The following GLIS3 variants were observed in gnomAD, a reference collection of about 807,000 sequenced individuals.
GLIS3 encodes GLIS family zinc finger 3.
A neutral mutation model predicts 78.6 loss-of-function variants in GLIS3; 53 were observed. The observed-to-expected ratio is 0.67, with a 90% CI of 0.54 to 0.85. The LOEUF is 0.85. Ranked by LOEUF, GLIS3 falls within the 40% of genes least tolerant of loss-of-function variation. The pLI, the probability that GLIS3 is intolerant of heterozygous loss-of-function variation, is 0.00. For synonymous variants in GLIS3, 684 were observed against 509.9 expected (o/e 1.34, Z -4.60); for missense variants, 1,703 against 1,231.1 (o/e 1.38, Z -5.74).
Position 4,291,456 on chromosome 9 carries a change from T to C in GLIS3, c.-98-4933A>G, listed in dbSNP as rs575360598. Among the ~76,000 whole-genome samples, 6 of 152,284 alleles carry C rather than the reference T, an allele frequency of 3.9e-5. No individual in the cohort carries two copies. In the East Asian group the frequency reaches 1.2e-3, roughly 29 times the overall value. Reference sequence around the variant, plus strand: ...TGTTTTAACTTTTCATTTTTATATTTTATAAAATTTTCTCAAAAATTAAAA... The same window carrying C: ...TGTTTTAACTTTTCATTTTTATATTCTATAAAATTTTCTCAAAAATTAAAA... On this transcript the variant is annotated intron_variant, in intron 1 of 10. Transcript: ENST00000381971.
intron 2 of GLIS3, among the ~76,000 whole-genome samples, chr9:4,235,894 G>T (rs72691856): frequency 0.048 from 7,378 of 152,186 alleles, 226 homozygotes; most frequent in Non-Finnish European, 0.076. Flanking sequence ...CCGGCATACT[G>T]ATGAACTTCT....
the GLIS3 span, among the ~76,000 whole-genome samples, chr9:4,418,393 A>G: frequency 6.6e-6 from 1 of 152,260 alleles, no homozygotes; most frequent in African/African-American, 2.4e-5. Flanking sequence ...TTCGGATGTT[A>G]CAGGATTTGC....
At chr9:4,277,607 G>A (rs1267697825) in intron 2 of GLIS3, among the ~76,000 whole-genome samples, 2 of 152,076 alleles carry the variant, frequency 1.3e-5, no homozygotes, top group Admixed American at 6.6e-5. Flanking sequence ...ACCCACAAAC[G>A]CTAATGAATA....
chr9:4,281,666 G>C (rs1256116755), intron 2 of GLIS3, among the ~76,000 whole-genome samples: 1 of 152,232 alleles, frequency 6.6e-6, no homozygotes, highest in East Asian at 1.9e-4. Context: ...TACCACATTG[G>C]GTTGTTTCTT....
At chr9:4,057,386 C>T (rs1030452887) in intron 4 of GLIS3, among the ~76,000 whole-genome samples, 1 of 152,026 alleles carries the variant, frequency 6.6e-6, no homozygotes, top group African/African-American at 2.4e-5. Context: ...GTGGATCCAT[C>T]CCTAATAAAG....
chr9:4,043,222 C>T (rs1824971373), intron 4 of GLIS3, among the ~76,000 whole-genome samples: 1 of 152,094 alleles, frequency 6.6e-6, no homozygotes, highest in Non-Finnish European at 1.5e-5. Flanking sequence ...TTCAGTGAGA[C>T]TTTACGTCTT....
At chr9:4,190,879 C>T (rs1028311466) in intron 2 of GLIS3, among the ~76,000 whole-genome samples, 2 of 152,136 alleles carry the variant, frequency 1.3e-5, no homozygotes, top group Non-Finnish European at 2.9e-5. Flanking sequence ...GGCCAATATG[C>T]AACATTCTTA....
the GLIS3 span, among the ~76,000 whole-genome samples, chr9:4,426,883 G>C: frequency 6.6e-6 from 1 of 152,194 alleles, no homozygotes; most frequent in Non-Finnish European, 1.5e-5. Context: ...CTGGCACACT[G>C]AAAGCATCTG....
At chr9:4,336,681 C>A (rs913055528) in intron 2 of GLIS3, among the ~76,000 whole-genome samples, 3 of 150,300 alleles carry the variant, frequency 2.0e-5, no homozygotes, top group African/African-American at 7.6e-5. Context: ...CCAAACCTTG[C>A]CATTCCTCAA....
intron 2 of GLIS3, among the ~76,000 whole-genome samples, chr9:4,189,823 CT>C (rs60376826): frequency 7.3e-5 from 11 of 150,784 alleles, no homozygotes; most frequent in East Asian, 1.9e-4. Context: ...CAACCCCTGC[CT>C]TTTTTTTTGT....
intron 4 of GLIS3, among the ~76,000 whole-genome samples, chr9:3,960,253 G>A (rs1483728710): frequency 6.6e-6 from 1 of 151,880 alleles, no homozygotes; most frequent in Non-Finnish European, 1.5e-5. Flanking sequence ...AAAGAGAGAA[G>A]AGCCTGGGGA....
chr9:4,413,267 A>G, the GLIS3 span, among the ~76,000 whole-genome samples: 1 of 152,218 alleles, frequency 6.6e-6, no homozygotes, highest in Non-Finnish European at 1.5e-5. Flanking sequence ...ATGAGATTGT[A>G]TATGGCCATA....
At chr9:4,390,614 A>AT in the GLIS3 span, among the ~76,000 whole-genome samples, 1 of 152,116 alleles carries the variant, frequency 6.6e-6, no homozygotes, top group Non-Finnish European at 1.5e-5. Flanking sequence ...CCTCATACAG[A>AT]TATCTGTGGT....
In GLIS3 at chr9:3,839,583, CAA is replaced by C. The variant is rs113301703; in HGVS notation, c.2474-10093_2474-10092del. On this transcript the variant is annotated intron_variant, in intron 9 of 10. Coordinates refer to ENST00000381971, the MANE Select transcript of GLIS3 (RefSeq NM_001042413.2). ...AGTAATATTGTCCCAAGTTTACAGC[CAA>C]AAAAAAAAAGGGGGGAGAAGTTAAA... is the stretch of plus-strand genomic sequence containing the variant. Among the ~76,000 whole-genome samples, 89 of 140,738 alleles carry C rather than the reference CAA, an allele frequency of 6.3e-4. No homozygotes were observed. The Middle Eastern group carries it at 0.011, about 17-fold the overall frequency. 92.3% of individuals were successfully genotyped at this position (140,738 alleles called of 152,430 possible). A position where few individuals can be genotyped will look rare whatever the true frequency, so the allele number is the denominator to read the frequency against.
chr9:4,199,468 T>TTA (rs996447484), intron 2 of GLIS3, among the ~76,000 whole-genome samples: 30 of 148,434 alleles, frequency 2.0e-4, no homozygotes, highest in Admixed American at 1.5e-3. Flanking sequence ...ATATATAAGT[T>TTA]TATATATATA....
chr9:4,221,552 C>T (rs188374597), intron 2 of GLIS3, among the ~76,000 whole-genome samples: 2 of 152,004 alleles, frequency 1.3e-5, no homozygotes, highest in South Asian at 4.2e-4. Context: ...CGAAATTTCT[C>T]TAGATTTAAT....
chr9:3,855,894 AG>A, intron 9 of GLIS3, 114 bp downstream of exon 9: 1 of 1,152,970 alleles, frequency 8.7e-7, no homozygotes, highest in Non-Finnish European at 1.3e-6. Context: ...AAGTCATGAA[AG>A]CCTAAGCCTG....
chr9:3,980,880 T>C (rs1386681735), intron 4 of GLIS3, among the ~76,000 whole-genome samples: 2 of 152,216 alleles, frequency 1.3e-5, no homozygotes, highest in Non-Finnish European at 2.9e-5. Context: ...AGTCAGATAA[T>C]TAAATGCCAA....
At chr9:4,319,169 A>C (rs1268028830) in intron 2 of GLIS3, among the ~76,000 whole-genome samples, 1 of 152,260 alleles carries the variant, frequency 6.6e-6, no homozygotes, top group African/African-American at 2.4e-5. Flanking sequence ...TGAGAAAAAA[A>C]TCACAAAATT....
Sources: allele counts gnomAD v4.1 joint callset (sites outside exome capture counted in the v4.1 genomes callset), GRCh38; gene constraint gnomAD v4.1.1; transcripts MANE v1.5; gene names NCBI Gene and HGNC (gene_info 2026-07-23, HGNC 2026-07-21).